The following SMPX variants were observed in gnomAD, a reference collection of about 807,000 sequenced individuals.
The protein encoded by SMPX is small muscular protein.
Under a neutral mutation model 6.3 loss-of-function variants are expected in SMPX, and 2 were observed. That is an observed-to-expected ratio of 0.32 (90% CI 0.13 to 0.99). The LOEUF is 0.99. SMPX is among the 50% of genes least tolerant of loss of function. SMPX has a pLI of 0.49. For missense variants in SMPX, 60 were observed against 66.8 expected, an observed-to-expected ratio of 0.90 and a Z score of 0.36; for synonymous variants, 32 against 24.7, an observed-to-expected ratio of 1.30 and a Z score of -0.88.
At chrX:21,755,895 C>G (rs2092832372) in intron 1 of SMPX, among the ~76,000 whole-genome samples, 1 of 111,881 alleles carries the variant, frequency 8.9e-6, no homozygotes, top group Non-Finnish European at 1.9e-5. Flanking sequence ...AATTAAAAAG[C>G]AATAACAAAT....
At chrX:21,731,512 GTGTGTATGTGTACACA>G (rs1236318290) in intron 4 of SMPX, among the ~76,000 whole-genome samples, 5 of 86,521 alleles carry the variant, frequency 5.8e-5, no homozygotes, top group Non-Finnish European at 9.3e-5. Context: ...TACACATTAT[GTGTGTATGTGTACACA>G]TACACATTAT....
intron 4 of SMPX, among the ~76,000 whole-genome samples, chrX:21,715,569 TC>T (rs1281869369): frequency 9.0e-6 from 1 of 110,827 alleles, no homozygotes; most frequent in Non-Finnish European, 1.9e-5. Flanking sequence ...TCCCTGGGGA[TC>T]CTGTTAAACT....
chrX:21,742,006 T>C (rs1248016629), intron 3 of SMPX, among the ~76,000 whole-genome samples: 1 of 111,952 alleles, frequency 8.9e-6, no homozygotes, highest in African/African-American at 3.3e-5. Flanking sequence ...CCCAGTCCCC[T>C]GAGATACTTG....
intron 4 of SMPX, among the ~76,000 whole-genome samples, chrX:21,726,982 C>A (rs1048118553): frequency 4.0e-4 from 45 of 112,382 alleles, no homozygotes; most frequent in African/African-American, 1.3e-3. Flanking sequence ...CTCATTTCTT[C>A]TTCATTCCTG....
intron 1 of SMPX, among the ~76,000 whole-genome samples, chrX:21,755,576 A>T (rs1250854722): frequency 2.7e-5 from 3 of 112,376 alleles, no homozygotes; most frequent in Admixed American, 1.9e-4. Flanking sequence ...TCCAGCTTTA[A>T]GTTCAGAGTA....
intron 4 of SMPX, among the ~76,000 whole-genome samples, chrX:21,734,384 C>T (rs1196884163): frequency 8.9e-6 from 1 of 111,777 alleles, no homozygotes; most frequent in African/African-American, 3.3e-5. Context: ...AGCAAACAAG[C>T]TGACAGTGGT....
intron 4 of SMPX, among the ~76,000 whole-genome samples, chrX:21,728,275 A>C (rs1445895309): frequency 5.9e-5 from 4 of 67,680 alleles, no homozygotes; most frequent in Non-Finnish European, 1.1e-4. Flanking sequence ...TCTCTCTCAT[A>C]CTTTCTCTGA....
At chrX:21,736,024 T>C (rs890924718) in intron 4 of SMPX, among the ~76,000 whole-genome samples, 34 of 112,083 alleles carry the variant, frequency 3.0e-4, no homozygotes, top group Non-Finnish European at 7.5e-5. Flanking sequence ...TCTATGGTCA[T>C]AGATCCACTC....
intron 3 of SMPX, among the ~76,000 whole-genome samples, chrX:21,741,741 T>C (rs2092816282): frequency 9.0e-6 from 1 of 110,623 alleles, no homozygotes; most frequent in Non-Finnish European, 1.9e-5. Context: ...GTTCAAGAAA[T>C]ACTCCATCTG....
chrX:21,737,035 C>T (rs1377115470), intron 4 of SMPX, among the ~76,000 whole-genome samples: 4 of 111,851 alleles, frequency 3.6e-5, no homozygotes, highest in Admixed American at 2.8e-4. Flanking sequence ...CACCTAGAGT[C>T]GTTATGGCAT....
rs1270632090 is a variant in SMPX at position 21,731,596 on chromosome X, A to G, written c.*14+5953T>C. Among the ~76,000 whole-genome samples the G allele has an allele frequency of 1.8e-4, 17 of 95,176 alleles. 1 individual carries two copies. The highest frequency in any genetic ancestry group is 2.8e-4 in the Non-Finnish European group (13 of 46,772). 82.6% of individuals were successfully genotyped at this position (95,176 alleles called of 115,157 possible). A position where few individuals can be genotyped will look rare whatever the true frequency, so the allele number is the denominator to read the frequency against. On this transcript the variant is annotated intron_variant, in intron 4 of 4. Coordinates refer to ENST00000379494, the MANE Select transcript of SMPX (RefSeq NM_014332.3). ...TATGTGTATATGTGTATATGTACAC[A>G]TTAATGTGTATATGTGTATATGTAC...
At chrX:21,740,971 G>C (rs1420093801) in intron 3 of SMPX, among the ~76,000 whole-genome samples, 1 of 112,350 alleles carries the variant, frequency 8.9e-6, no homozygotes, top group South Asian at 3.7e-4. Flanking sequence ...ATTGTCTTAC[G>C]CAAAAGACCA....
chrX:21,750,723 T>A (rs146182009), intron 2 of SMPX, among the ~76,000 whole-genome samples: 282 of 111,742 alleles, frequency 2.5e-3, no homozygotes, highest in African/African-American at 8.4e-3. Context: ...CATCTCTTCT[T>A]CAGTGTGGAT....
chrX:21,731,707 T>TATGTGTATATGTGTATATGTACACATTA (rs2092805112), intron 4 of SMPX, among the ~76,000 whole-genome samples: 1 of 102,536 alleles, frequency 9.8e-6, no homozygotes, highest in Non-Finnish European at 2.0e-5. Flanking sequence ...TAAATGTGTA[T>TATGTGTATATGTGTATATGTACACATTA]ATGTGTATAT....
chrX:21,715,031 G>T (rs1285773228), intron 4 of SMPX, among the ~76,000 whole-genome samples: 1 of 110,437 alleles, frequency 9.1e-6, no homozygotes, highest in African/African-American at 3.3e-5. Flanking sequence ...AAGCTGCCGG[G>T]GGAAGTTTAA....
chrX:21,707,326 A>AT (rs1389142901), intron 4 of SMPX, among the ~76,000 whole-genome samples: 2 of 111,820 alleles, frequency 1.8e-5, no homozygotes, highest in African/African-American at 6.5e-5. Context: ...TGAAGACCCC[A>AT]TTTTCACTTG....
intron 3 of SMPX, among the ~76,000 whole-genome samples, chrX:21,738,864 C>A (rs1243822530): frequency 9.0e-6 from 1 of 110,898 alleles, no homozygotes; most frequent in Non-Finnish European, 1.9e-5. Flanking sequence ...AACCCTCTAT[C>A]CCTCTCTCCC....
chrX:21,740,971 G>A (rs1420093801), intron 3 of SMPX, among the ~76,000 whole-genome samples: 1 of 112,350 alleles, frequency 8.9e-6, no homozygotes. Context: ...ATTGTCTTAC[G>A]CAAAAGACCA....
intron 2 of SMPX, among the ~76,000 whole-genome samples, chrX:21,751,634 C>T (rs1423942371): frequency 8.9e-6 from 1 of 111,921 alleles, no homozygotes; most frequent in Non-Finnish European, 1.9e-5. Context: ...TCTCAGGGAT[C>T]AGGGATCAAT....
Sources: gnomAD v4.1 joint callset for allele counts (sites outside exome capture counted in the v4.1 genomes callset) on GRCh38, gnomAD v4.1.1 for gene constraint, MANE v1.5 for transcripts, NCBI Gene and HGNC (gene_info 2026-07-23, HGNC 2026-07-21) for gene names.